AGMO: variants seen among roughly 807,000 people sequenced by gnomAD.
AGMO encodes the protein glyceryl-ether monooxygenase.
A neutral mutation model predicts 60.2 loss-of-function variants in AGMO; 75 were observed. That is an observed-to-expected ratio of 1.25 (90% CI 1.03 to 1.51). The LOEUF (loss-of-function observed/expected upper bound fraction) is 1.51. Ranked by LOEUF, AGMO falls within the 40% of genes most tolerant of loss-of-function variation. The pLI is 0.00. For synonymous variants in AGMO, 261 were observed against 177.1 expected, an observed-to-expected ratio of 1.47 and a Z score of -3.76; for missense variants, 763 against 525.5, an observed-to-expected ratio of 1.45 and a Z score of -4.42.
chr7:15,554,143 C>T (rs916943), intron 2 of AGMO, among the ~76,000 whole-genome samples: 13,250 of 152,090 alleles, frequency 0.087, 635 homozygotes, highest in Middle Eastern at 0.13. Context: ...CCTACATTTT[C>T]AAAAATGTTC....
At chr7:15,336,429 GA>G (rs944902139) in intron 12 of AGMO, among the ~76,000 whole-genome samples, 5 of 141,988 alleles carry the variant, frequency 3.5e-5, no homozygotes, top group African/African-American at 1.3e-4. Context: ...AAAAAAAAAA[GA>G]AAAAAAAACA....
At chr7:15,369,774 G>A (rs1350235170) in intron 10 of AGMO, among the ~76,000 whole-genome samples, 3 of 151,976 alleles carry the variant, frequency 2.0e-5, no homozygotes, top group African/African-American at 7.3e-5. Context: ...TATCCCAAGG[G>A]CCTAGAATAT....
At chr7:15,321,274 G>C (rs1781099564) in intron 12 of AGMO, among the ~76,000 whole-genome samples, 1 of 152,114 alleles carries the variant, frequency 6.6e-6, no homozygotes. Context: ...GTTGGACAAA[G>C]AGGGGCTGCC....
intron 3 of AGMO, among the ~76,000 whole-genome samples, chr7:15,452,981 C>A (rs775558986): frequency 2.0e-5 from 3 of 152,070 alleles, no homozygotes. Context: ...AAGGACTTAT[C>A]GTGAATGATT....
chr7:15,465,647 T>A (rs1330110330), intron 3 of AGMO, among the ~76,000 whole-genome samples: 1 of 150,118 alleles, frequency 6.7e-6, no homozygotes, highest in African/African-American at 2.4e-5. Flanking sequence ...GGTTTCCCTA[T>A]ATTGCCCAGG....
intron 12 of AGMO, among the ~76,000 whole-genome samples, chr7:15,208,035 G>A (rs1368376447): frequency 6.6e-6 from 1 of 152,162 alleles, no homozygotes; most frequent in African/African-American, 2.4e-5. Flanking sequence ...ACTTGATTAT[G>A]TCTGCGATTT....
chr7:15,267,298 C>A (rs1294733851), intron 12 of AGMO, among the ~76,000 whole-genome samples: 1 of 151,982 alleles, frequency 6.6e-6, no homozygotes, highest in East Asian at 1.9e-4. Context: ...ACTGACTACA[C>A]TGAAATGTTC....
intron 3 of AGMO, among the ~76,000 whole-genome samples, chr7:15,484,214 T>C (rs1463251237): frequency 6.6e-6 from 1 of 152,102 alleles, no homozygotes; most frequent in Non-Finnish European, 1.5e-5. Flanking sequence ...ATATGAAATG[T>C]TGAAGTAGAG....
At chr7:15,351,574 C>G (rs1189503626) in intron 12 of AGMO, among the ~76,000 whole-genome samples, 4 of 152,132 alleles carry the variant, frequency 2.6e-5, no homozygotes, top group Non-Finnish European at 4.4e-5. Flanking sequence ...TACATCGTAT[C>G]TTGTAAAAAA....
intron 12 of AGMO, among the ~76,000 whole-genome samples, chr7:15,273,321 G>A (rs964891642): frequency 6.6e-6 from 1 of 152,172 alleles, no homozygotes; most frequent in Admixed American, 6.5e-5. Context: ...GTAAGGAAGG[G>A]ATCTAGTTTC....
At chr7:15,538,730 T>C (rs541146710) in intron 3 of AGMO, among the ~76,000 whole-genome samples, 1 of 152,292 alleles carries the variant, frequency 6.6e-6, no homozygotes, top group East Asian at 1.9e-4. Context: ...CTGTTTATTT[T>C]CTTTTTTAAA....
chr7:15,169,067 T>C, the AGMO span, among the ~76,000 whole-genome samples: 1 of 152,068 alleles, frequency 6.6e-6, no homozygotes, highest in African/African-American at 2.4e-5. Context: ...CAGATGAGCA[T>C]TGGTTGATGG....
chr7:15,535,974 C>T (rs1245381509), intron 3 of AGMO, among the ~76,000 whole-genome samples: 1 of 151,856 alleles, frequency 6.6e-6, no homozygotes, highest in Non-Finnish European at 1.5e-5. Context: ...TCATGAACGA[C>T]TGAGTGCCTA....
intron 12 of AGMO, among the ~76,000 whole-genome samples, chr7:15,329,104 A>G (rs62450333): frequency 0.043 from 6,541 of 152,238 alleles, 186 homozygotes; most frequent in African/African-American, 0.076. Flanking sequence ...GTTGTCCCAC[A>G]TATTGGACTT....
chr7:15,409,419 T>C (rs529028155), intron 5 of AGMO, among the ~76,000 whole-genome samples: 27 of 152,010 alleles, frequency 1.8e-4, no homozygotes, highest in African/African-American at 6.5e-4. Flanking sequence ...ATGGTCAAAA[T>C]TTTTCTCCCA....
intron 12 of AGMO, among the ~76,000 whole-genome samples, chr7:15,351,453 T>C (rs935042972): frequency 2.0e-5 from 3 of 152,188 alleles, no homozygotes; most frequent in Admixed American, 6.5e-5. Context: ...ATAGCATTTC[T>C]TAAAGGCATG....
chr7:15,323,643 T>C (rs1292110742), intron 12 of AGMO, among the ~76,000 whole-genome samples: 1 of 152,172 alleles, frequency 6.6e-6, no homozygotes, highest in Non-Finnish European at 1.5e-5. Context: ...TCTCATATGA[T>C]TCCAAGCTGT....
chr7:15,266,994 A>C (rs1783451874), intron 12 of AGMO, among the ~76,000 whole-genome samples: 1 of 152,096 alleles, frequency 6.6e-6, no homozygotes, highest in South Asian at 2.1e-4. Context: ...TACTTTTGCC[A>C]AAATGGCCAC....
At chr7:15,206,716 C>T (rs374678302) in intron 12 of AGMO, among the ~76,000 whole-genome samples, 2 of 152,006 alleles carry the variant, frequency 1.3e-5, no homozygotes, top group African/African-American at 2.4e-5. Context: ...AAAAGAATAT[C>T]CTTCAATCAA....
Sources: allele counts gnomAD v4.1 joint callset (sites outside exome capture counted in the v4.1 genomes callset), GRCh38; gene constraint gnomAD v4.1.1; transcripts MANE v1.5; gene names NCBI Gene and HGNC (gene_info 2026-07-23, HGNC 2026-07-21).